Variants in WDFY2 observed in about 807,000 individuals in gnomAD.
The protein encoded by WDFY2 is WD repeat and FYVE domain containing 2.
In WDFY2, 36 loss-of-function variants were observed where a neutral mutation model predicts 56.4. The observed-to-expected ratio is 0.64, with a 90% CI of 0.49 to 0.84. WDFY2 has a LOEUF of 0.84. Ranked by LOEUF, WDFY2 falls within the 40% of genes least tolerant of loss-of-function variation. The probability of loss-of-function intolerance (pLI) is 0.00; values close to 1 mark genes in which losing one functional copy is unlikely to be tolerated. For synonymous variants in WDFY2, 176 were observed against 183.7 expected (o/e 0.96, Z 0.34); for missense variants, 444 against 512.2 (o/e 0.87, Z 1.29).
At chr13:51,687,254 C>T (rs941401631) in intron 3 of WDFY2, among the ~76,000 whole-genome samples, 2 of 151,796 alleles carry the variant, frequency 1.3e-5, no homozygotes, top group African/African-American at 4.8e-5. Context: ...ACTTGAGATA[C>T]ATCAAAATAT....
rs140865578 is a variant in WDFY2 at position 51,728,047 on chromosome 13, A to G, written c.598+257A>G. 2.8e-3 allele frequency among the ~76,000 whole-genome samples: 426 copies of G among 152,350 alleles called. 2 individuals carry two copies. Among genetic ancestry groups the G allele is most frequent in the South Asian group, 9.5e-3 (46 of 4,828 alleles). On this transcript the variant is annotated intron_variant, in intron 6 of 11. Coordinates refer to ENST00000298125, the MANE Select transcript of WDFY2 (RefSeq NM_052950.4). ...ATTTGGTTCTCTGTCATACTGCACC[A>G]GAGAAAGCCAGTGTTGGCATACATT...
rs1339751845 is a variant in WDFY2, at chr13:51,760,059, G to T, written c.*290G>T. 3.2e-6 allele frequency: 1 copy of T among 312,620 alleles called. No homozygotes were observed. The highest frequency in any genetic ancestry group is 5.8e-6 in the Non-Finnish European group (1 of 171,348). 19.4% of individuals were successfully genotyped at this position (312,620 alleles called of 1,614,324 possible). ...GAGTGTACCGAAAAATCTGTGTGGG[G>T]TGTTTAATTTTTATACTTTTCAACA... On this transcript the variant is annotated 3_prime_UTR_variant, in exon 12 of 12. Transcript: ENST00000298125.
intron 1 of WDFY2, among the ~76,000 whole-genome samples, chr13:51,643,137 T>C (rs1247931643): frequency 6.6e-6 from 1 of 152,214 alleles, no homozygotes; most frequent in Non-Finnish European, 1.5e-5. Flanking sequence ...CAATTCATTG[T>C]CATTAGGTAT....
chr13:51,672,283 A>T (rs1303717350), intron 2 of WDFY2, among the ~76,000 whole-genome samples: 1 of 152,118 alleles, frequency 6.6e-6, no homozygotes, highest in Non-Finnish European at 1.5e-5. Context: ...CAATTATCCC[A>T]GCGCTGTTTG....
At chr13:51,666,384 C>T (rs955277790) in intron 2 of WDFY2, among the ~76,000 whole-genome samples, 5 of 152,116 alleles carry the variant, frequency 3.3e-5, no homozygotes, top group African/African-American at 1.2e-4. Context: ...TTTTCAGACA[C>T]GAGGGCCAGG....
chr13:51,714,163 G>C (rs949175281), intron 4 of WDFY2, among the ~76,000 whole-genome samples: 11 of 151,382 alleles, frequency 7.3e-5, no homozygotes, highest in African/African-American at 2.7e-4. Flanking sequence ...GGATTACTTA[G>C]TGAAGTATCT....
rs1043911041 is a variant in WDFY2, at chr13:51,765,362, G to A, written c.*5593G>A. On this transcript the variant is annotated 3_prime_UTR_variant, in exon 12 of 12. Transcript: ENST00000298125. Reference sequence around the variant, plus strand: ...CCTTTCCACCAAGAAGCCTACTTAGGTTTAACACATGAAAGCAGTGTCTAA... The same window carrying A: ...CCTTTCCACCAAGAAGCCTACTTAGATTTAACACATGAAAGCAGTGTCTAA... 1 of 152,110 alleles carries A rather than the reference G, an allele frequency of 6.6e-6. No homozygotes were observed. The highest frequency in any genetic ancestry group is 2.4e-5 in the African/African-American group (1 of 41,418). 9.4% of individuals were successfully genotyped at this position (152,110 alleles called of 1,614,324 possible).
intron 1 of WDFY2, among the ~76,000 whole-genome samples, chr13:51,659,821 A>G (rs1955577654): frequency 6.6e-6 from 1 of 152,218 alleles, no homozygotes; most frequent in Admixed American, 6.5e-5. Flanking sequence ...CTCCCTTGAG[A>G]CAATGGCTTG....
At chr13:51,615,490 A>G (rs1244186037) in intron 1 of WDFY2, among the ~76,000 whole-genome samples, 1 of 152,222 alleles carries the variant, frequency 6.6e-6, no homozygotes, top group Non-Finnish European at 1.5e-5. Flanking sequence ...TTTGAAGAAC[A>G]GTTTGGCAGT....
At chr13:51,687,785 T>G (rs1956086190) in intron 3 of WDFY2, among the ~76,000 whole-genome samples, 1 of 152,144 alleles carries the variant, frequency 6.6e-6, no homozygotes. Flanking sequence ...CACTGATAGC[T>G]TTCATTTAAT....
intron 1 of WDFY2, among the ~76,000 whole-genome samples, chr13:51,633,409 C>T (rs1954990204): frequency 6.6e-6 from 1 of 152,152 alleles, no homozygotes; most frequent in African/African-American, 2.4e-5. Context: ...ACTTCTGAGC[C>T]CCAGTTTACT....
chr13:51,727,881 G>T lies in WDFY2; in HGVS notation c.598+91G>T. 2.5e-6 allele frequency: 3 copies of T among 1,218,150 alleles called. No homozygotes were observed. In the East Asian group the frequency reaches 7.2e-5, roughly 29 times the overall value. 75.5% of individuals were successfully genotyped at this position (1,218,150 alleles called of 1,614,324 possible). A position where few individuals can be genotyped will look rare whatever the true frequency, so the allele number is the denominator to read the frequency against. ...GATGTTCAGATATGTTTTGAAAGTG[G>T]CAAAGTACAATCCATGCTTGTGCAA... is the stretch of plus-strand genomic sequence containing the variant. On this transcript the variant is annotated intron_variant, in intron 6 of 11. Transcript: ENST00000298125.
At chr13:51,605,273 T>C (rs577206036) in intron 1 of WDFY2, among the ~76,000 whole-genome samples, 66 of 152,232 alleles carry the variant, frequency 4.3e-4, no homozygotes, top group Non-Finnish European at 7.3e-4. Flanking sequence ...CTGGGTTCAG[T>C]GTCACCACTT....
intron 7 of WDFY2, among the ~76,000 whole-genome samples, chr13:51,740,149 G>A (rs1222896641): frequency 6.6e-6 from 1 of 152,128 alleles, no homozygotes; most frequent in Admixed American, 6.6e-5. Context: ...TGGAGTTGTT[G>A]GACATAAACT....
intron 3 of WDFY2, among the ~76,000 whole-genome samples, chr13:51,678,967 T>C (rs1051496021): frequency 1.3e-5 from 2 of 152,080 alleles, no homozygotes; most frequent in Non-Finnish European, 2.9e-5. Context: ...GAAAGTAACA[T>C]ATTTCAGACA....
In WDFY2 at chr13:51,766,438, T is replaced by G. The variant is rs1334697607; in HGVS notation, c.*6669T>G. ...ATGGATATCTTTTTCTTTCTTTTTTTAAAGTGAGGAGATTCTTCAGGGGGT... is the reference window on the plus strand; with the variant it reads ...ATGGATATCTTTTTCTTTCTTTTTTGAAAGTGAGGAGATTCTTCAGGGGGT... On this transcript the variant is annotated 3_prime_UTR_variant, in exon 12 of 12. Transcript: ENST00000298125. The G allele has an allele frequency of 1.3e-5, 2 of 152,226 alleles. No individual in the cohort carries two copies. Among genetic ancestry groups the G allele is most frequent in the Non-Finnish European group, 2.9e-5 (2 of 68,040 alleles). 9.4% of individuals were successfully genotyped at this position (152,226 alleles called of 1,614,324 possible). A position where few individuals can be genotyped will look rare whatever the true frequency, so the allele number is the denominator to read the frequency against.
chr13:51,615,352 TAAAA>T (rs535477907), intron 1 of WDFY2, among the ~76,000 whole-genome samples: 1 of 148,466 alleles, frequency 6.7e-6, no homozygotes, highest in African/African-American at 2.5e-5. Context: ...CAGTGCAAAT[TAAAA>T]AAAAAACACT....
intron 3 of WDFY2, among the ~76,000 whole-genome samples, chr13:51,684,696 C>G (rs1956033393): frequency 6.6e-6 from 1 of 152,072 alleles, no homozygotes; most frequent in African/African-American, 2.4e-5. Flanking sequence ...AGAAATAAGC[C>G]CCACATTTTC....
At chr13:51,602,413 TATG>T (rs368187370) in intron 1 of WDFY2, among the ~76,000 whole-genome samples, 4 of 152,368 alleles carry the variant, frequency 2.6e-5, no homozygotes, top group Non-Finnish European at 5.9e-5. Context: ...ATAGCCTAGA[TATG>T]TAGTAGGCTA....
Sources: gnomAD v4.1 joint callset for allele counts (sites outside exome capture counted in the v4.1 genomes callset) on GRCh38, gnomAD v4.1.1 for gene constraint, MANE v1.5 for transcripts, NCBI Gene and HGNC (gene_info 2026-07-23, HGNC 2026-07-21) for gene names.